The following PRKAG3 variants were observed in gnomAD, a reference collection of about 807,000 sequenced individuals.
PRKAG3 encodes the protein protein kinase AMP-activated non-catalytic subunit gamma 3.
PRKAG3 carries 39 observed loss-of-function variants against 56.5 expected under a neutral mutation model. That is an observed-to-expected ratio of 0.69 (90% CI 0.53 to 0.90). The LOEUF (loss-of-function observed/expected upper bound fraction) is 0.90, where lower values mean the gene tolerates loss of function less well. Ranked by LOEUF, PRKAG3 falls within the 40% of genes least tolerant of loss-of-function variation. PRKAG3 has a pLI of 0.00. For synonymous variants in PRKAG3, 243 were observed against 250.1 expected, an observed-to-expected ratio of 0.97 and a Z score of 0.27; for missense variants, 628 against 627.5, an observed-to-expected ratio of 1.00 and a Z score of -0.01.
downstream of PRKAG3, chr2:218,822,872 C>T (rs983947633): frequency 1.0e-6 from 1 of 985,076 alleles, no homozygotes; most frequent in Non-Finnish European, 1.2e-6. Context: ...CCCACTGGGG[C>T]CATCCGACCC....
At chr2:218,826,953 A>G (rs765197017) in exon 10 of PRKAG3, 48 of 1,614,044 alleles carry the variant, frequency 3.0e-5, no homozygotes, top group Non-Finnish European at 3.7e-5. Flanking sequence ...CAGGCAGTGC[A>G]GACACACGCC....
chr2:218,830,443 CT>C, intron 3 of PRKAG3, 62 bp from the exon 4 acceptor site: 1 of 1,547,228 alleles, frequency 6.5e-7, no homozygotes, highest in Non-Finnish European at 8.8e-7. Context: ...TTCTCATCTG[CT>C]GTCGCCATTC....
At chr2:218,830,679 A>G (rs1944007919) in intron 3 of PRKAG3, 67 bp downstream of exon 3, 1 of 1,562,034 alleles carries the variant, frequency 6.4e-7, no homozygotes, top group East Asian at 2.2e-5. Flanking sequence ...TAGAGACCAG[A>G]CCCAGGCTCC....
exon 4 of PRKAG3, chr2:218,830,230 G>A: frequency 6.2e-7 from 1 of 1,614,060 alleles, no homozygotes; most frequent in Non-Finnish European, 8.5e-7. Context: ...CTGTGCTGGA[G>A]CCTGCAGCTG....
chr2:218,827,892 C>G lies in PRKAG3; in HGVS notation c.775-14G>C, dbSNP rs200586094. 2.8e-5 allele frequency: 45 copies of G among 1,614,020 alleles called. No homozygotes were observed. The highest frequency in any genetic ancestry group is 1.6e-4 in the Middle Eastern group (1 of 6,062). On this transcript the variant is annotated splice_polypyrimidine_tract_variant and intron_variant, in intron 6 of 12. Transcript: ENST00000529249. The surrounding 1 kb of genome is among the most constrained non-coding windows in gnomAD (Gnocchi z 5.3). Reference sequence around the variant, plus strand: ...ATAGATCTGGACCTAGAGACATCGACAGGACTCCAGAAGTCAGAAAGACGT... The same window carrying G: ...ATAGATCTGGACCTAGAGACATCGAGAGGACTCCAGAAGTCAGAAAGACGT...
At chr2:218,826,739 G>A in intron 10 of PRKAG3, 189 bp downstream of exon 10, 1 of 665,686 alleles carries the variant, frequency 1.5e-6, no homozygotes, top group Non-Finnish European at 2.6e-6. Flanking sequence ...TTTCACAAAG[G>A]AGGAAACTGA....
rs1001416768 is a variant in PRKAG3 at position 218,823,941 on chromosome 2, G to T, written c.1354-63C>A. Reference sequence around the variant, plus strand: ...TGGGGCTACAGCAGCTACTGAGGTTGGTGCCAAGAATCAGGGGAAACAACC... The same window carrying T: ...TGGGGCTACAGCAGCTACTGAGGTTTGTGCCAAGAATCAGGGGAAACAACC... On this transcript the variant is annotated intron_variant, in intron 12 of 12. Transcript: ENST00000529249. 2.6e-6 allele frequency: 4 copies of T among 1,515,318 alleles called. No homozygotes were observed. In the Admixed American group the frequency reaches 6.7e-5, roughly 25 times the overall value. The allele number at this position is 1,515,318 out of a possible 1,614,324, so 93.9% of individuals were successfully genotyped here. A position where few individuals can be genotyped will look rare whatever the true frequency, so the allele number is the denominator to read the frequency against.
At chr2:218,824,100 C>T in intron 12 of PRKAG3, 122 bp downstream of exon 12, 1 of 1,508,292 alleles carries the variant, frequency 6.6e-7, no homozygotes. Context: ...AGTGTGGGCA[C>T]CAGGAGTTGG....
At chr2:218,826,554 C>T (rs1034659311) in intron 10 of PRKAG3, 4 of 313,956 alleles carry the variant, frequency 1.3e-5, no homozygotes, top group Admixed American at 4.2e-5. Flanking sequence ...GCGACCTTCT[C>T]GCTCTGGCCT....
chr2:218,826,853 C>T, intron 10 of PRKAG3, 75 bp downstream of exon 10: 1 of 1,571,864 alleles, frequency 6.4e-7, no homozygotes, highest in Non-Finnish European at 8.7e-7. Flanking sequence ...AGAAACCCTG[C>T]CCTTCCCATA....
rs937205825 is a variant in PRKAG3, at chr2:218,824,439, C to T, written c.1207-71G>A. 3.7e-6 allele frequency: 6 copies of T among 1,612,076 alleles called. No individual in the cohort carries two copies. The African/African-American group carries it at 5.3e-5, about 14-fold the overall frequency. On this transcript the variant is annotated intron_variant, in intron 11 of 12. Transcript: ENST00000529249. ...GGCTCCTACCCTACAGATGTCAACC[C>T]CTGCATACTTGTCAAGGTCCCCCTG...
chr2:218,827,836 T>C lies in PRKAG3; in HGVS notation c.817A>G (p.Arg273Gly). 3 of 1,613,676 alleles carry C rather than the reference T, an allele frequency of 1.9e-6. No individual in the cohort carries two copies. Among genetic ancestry groups the C allele is most frequent in the Non-Finnish European group, 2.5e-6 (3 of 1,179,842 alleles). The change falls in exon 7 of 13, where the codon AGG becomes GGG. Residue 273 changes from arginine (R) to glycine (G), a missense_variant. Physicochemically the swap from Arg to Gly is moderately radical, Grantham distance 125 (BLOSUM62 -2). Coordinates refer to ENST00000529249, the Ensembl canonical transcript of PRKAG3. The surrounding 1 kb of genome is among the most constrained non-coding windows in gnomAD (Gnocchi z 5.3). ...CCGGGTTCCTCTCCCCACTCACCCC[T>C]CCAGGTCTCAATCTTATGTTGTTCA... is the stretch of plus-strand genomic sequence containing the variant.
In PRKAG3 at chr2:218,823,643, T is replaced by C; in HGVS notation, c.*119A>G. Reference sequence around the variant, plus strand: ...TGGTGTCATGGCCCAGGGCAGAGCCTACCTGAATCATAGCTGAACCAGCAA... The same window carrying C: ...TGGTGTCATGGCCCAGGGCAGAGCCCACCTGAATCATAGCTGAACCAGCAA... On this transcript the variant is annotated 3_prime_UTR_variant, in exon 13 of 13. Coordinates refer to ENST00000529249, the Ensembl canonical transcript of PRKAG3. The C allele has an allele frequency of 6.3e-7, 1 of 1,591,022 alleles. No homozygotes were observed.
exon 5 of PRKAG3, chr2:218,828,551 G>T: frequency 6.2e-7 from 1 of 1,613,770 alleles, no homozygotes; most frequent in Non-Finnish European, 8.5e-7. Flanking sequence ...GTCCCATAGA[G>T]GGGCTGCCCG....
intron 12 of PRKAG3, 85 bp downstream of exon 12, chr2:218,824,137 G>C (rs1338477565): frequency 1.2e-6 from 2 of 1,601,096 alleles, no homozygotes; most frequent in East Asian, 4.5e-5. Context: ...TAGGCCAGGT[G>C]CCCGATGTTC....
chr2:218,830,008 G>C, exon 4 of PRKAG3: 2 of 1,613,940 alleles, frequency 1.2e-6, no homozygotes, highest in Non-Finnish European at 1.7e-6. Context: ...TGACTAGCTT[G>C]GAGCTAGTTG....
At chr2:218,826,515 T>C (rs148083363) in intron 10 of PRKAG3, 4 of 265,852 alleles carry the variant, frequency 1.5e-5, no homozygotes, top group Admixed American at 1.4e-4. Flanking sequence ...GGAGTGTCAC[T>C]GTATGTAAAC....
intron 10 of PRKAG3, among the ~76,000 whole-genome samples, chr2:218,825,687 G>A (rs1021643665): frequency 3.3e-5 from 5 of 151,730 alleles, no homozygotes; most frequent in Admixed American, 1.3e-4. Flanking sequence ...TGAGGAAATG[G>A]AGAAGTGAGA....
At position 218,831,351 on chromosome 2, in the gene PRKAG3, C is replaced by T. The variant is rs947400938; in HGVS notation, c.58G>A (p.Gly20Ser). The change falls in exon 2 of 13, where the codon GGT (glycine) becomes AGT (serine). Residue 20 changes from glycine (G) to serine (S), a missense_variant. Coordinates refer to ENST00000529249, the Ensembl canonical transcript of PRKAG3. The stretch of plus-strand genomic sequence containing the variant: ...TTCTCCCTACCTTGATGCTCAGAAC[C>T]CCCAAGGCTGCTCCAGGAAGGGGTC... 15 of 1,603,372 alleles carry T rather than the reference C, an allele frequency of 9.4e-6. 1 individual carries two copies. Among genetic ancestry groups the T allele is most frequent in the Non-Finnish European group, 1.2e-5 (14 of 1,174,792 alleles).
Sources: allele counts gnomAD v4.1 joint callset (sites outside exome capture counted in the v4.1 genomes callset), GRCh38; gene constraint gnomAD v4.1.1; non-coding constraint Gnocchi (gnomAD v3.1); transcripts MANE v1.5; gene names NCBI Gene and HGNC (gene_info 2026-07-23, HGNC 2026-07-21).